SCIMP: variants seen among roughly 807,000 people sequenced by gnomAD.
SCIMP encodes the protein SLP adaptor and CSK interacting membrane protein.
SCIMP carries 18 observed loss-of-function variants against 22.0 expected under a neutral mutation model. The ratio of observed to expected loss-of-function variants is 0.82; its 90% CI spans 0.56 to 1.21. The LOEUF (loss-of-function observed/expected upper bound fraction) is 1.21, where lower values mean the gene tolerates loss of function less well. Ranked by LOEUF, SCIMP falls within the 50% of genes most tolerant of loss-of-function variation. SCIMP has a pLI of 0.00. For missense variants in SCIMP, 155 were observed against 171.2 expected (o/e 0.91, Z 0.53); for synonymous variants, 53 against 62.2 (o/e 0.85, Z 0.70).
rs1424151941 is a variant in SCIMP at position 5,215,242 on chromosome 17, A to G, written c.210-244T>C. 8 of 450,204 alleles carry G rather than the reference A, an allele frequency of 1.8e-5. 1 individual carries two copies. The East Asian group carries it at 3.0e-4, about 17-fold the overall frequency. The allele number at this position is 450,204 out of a possible 1,614,324, so 27.9% of individuals were successfully genotyped here. A position where few individuals can be genotyped will look rare whatever the true frequency, so the allele number is the denominator to read the frequency against. On this transcript the variant is annotated intron_variant, in intron 3 of 4. Coordinates refer to ENST00000574081, the MANE Select transcript of SCIMP (RefSeq NM_207103.3). The stretch of plus-strand genomic sequence containing the variant: ...GAGGGGAGGGAAATAAAGTGCTATA[A>G]TTCAGAGCATGGAGCACACCTTCCT...
intron 2 of SCIMP, among the ~76,000 whole-genome samples, chr17:5,222,281 C>G (rs773182988): frequency 6.6e-6 from 1 of 151,278 alleles, no homozygotes; most frequent in African/African-American, 2.4e-5. Context: ...TAAGTAGAAA[C>G]GGGGTTTCAC....
In SCIMP at chr17:5,233,622, T is replaced by C. The variant is rs531263576; in HGVS notation, c.21+1113A>G. On this transcript the variant is annotated intron_variant, in intron 1 of 4. Coordinates refer to ENST00000574081, the MANE Select transcript of SCIMP (RefSeq NM_207103.3). ...TCTTGACCTTGTGATCTGCCCACCT[T>C]GGCCTCCCAAAGTGCTGGGATTAGA... is the stretch of plus-strand genomic sequence containing the variant. Among the ~76,000 whole-genome samples, 5 of 152,016 alleles carry C rather than the reference T, an allele frequency of 3.3e-5. No individual in the cohort carries two copies. The East Asian group carries it at 5.8e-4, about 18-fold the overall frequency.
At chr17:5,234,409 G>A (rs1035006254) in intron 1 of SCIMP, among the ~76,000 whole-genome samples, 4 of 149,316 alleles carry the variant, frequency 2.7e-5, no homozygotes, top group Non-Finnish European at 4.4e-5. Flanking sequence ...AGAGTAACTC[G>A]TTACAGTTGA....
rs199663591 is a variant in SCIMP, at chr17:5,221,069, AAAG to A, written c.209+215_209+217del. 1,387 of 657,674 alleles carry A rather than the reference AAAG, an allele frequency of 2.1e-3. 15 individuals are homozygous for A. In the East Asian group the frequency reaches 0.031, roughly 15 times the overall value. 40.7% of individuals were successfully genotyped at this position (657,674 alleles called of 1,614,324 possible). On this transcript the variant is annotated intron_variant, in intron 3 of 4. Transcript: ENST00000574081. The stretch of plus-strand genomic sequence containing the variant: ...CAAGACTCCATCTCAAAAAAAAAAA[AAAG>A]AGAGAGAGAGATGAGAGGAGGGAGG...
intron 1 of SCIMP, among the ~76,000 whole-genome samples, chr17:5,230,485 T>C (rs985367679): frequency 6.6e-6 from 1 of 151,738 alleles, no homozygotes; most frequent in African/African-American, 2.4e-5. Flanking sequence ...GGAGGGAAGG[T>C]GATGAGAAGA....
Position 5,224,692 on chromosome 17 carries a change from T to A in SCIMP, c.22-1236A>T, listed in dbSNP as rs548932073. ...AGCTAGTCTCGAACTCCTGACCTTG[T>A]GATCTACCTGCCTCGGCCTCCCAAA... is the stretch of plus-strand genomic sequence containing the variant. On this transcript the variant is annotated intron_variant, in intron 1 of 4. Coordinates refer to ENST00000574081, the MANE Select transcript of SCIMP (RefSeq NM_207103.3). Among the ~76,000 whole-genome samples, 376 of 152,170 alleles carry A rather than the reference T, an allele frequency of 2.5e-3. 2 individuals carry two copies. The highest frequency in any genetic ancestry group is 8.6e-3 in the African/African-American group (359 of 41,508).
At chr17:5,223,658 T>C (rs1597290523) in intron 1 of SCIMP, 2 of 504,488 alleles carry the variant, frequency 4.0e-6, no homozygotes, top group African/African-American at 3.9e-5. Flanking sequence ...CAAGTGATTC[T>C]CCTGCCTCAG....
rs1555615393 is a variant in SCIMP, at chr17:5,232,378, A to AAACAGTGCAGTG, written c.21+2356_21+2357insCACTGCACTGTT. 2.5e-4 allele frequency among the ~76,000 whole-genome samples: 35 copies of AAACAGTGCAGTG among 138,564 alleles called. 1 individual carries two copies. The highest frequency in any genetic ancestry group is 6.1e-4 in the African/African-American group (22 of 35,934). The allele number at this position is 138,564 out of a possible 152,430, so 90.9% of individuals were successfully genotyped here. On this transcript the variant is annotated intron_variant, in intron 1 of 4. Coordinates refer to ENST00000574081, the MANE Select transcript of SCIMP (RefSeq NM_207103.3). The stretch of plus-strand genomic sequence containing the variant: ...AACAGTGCAGTGTAAACAGTGCAGT[A>AAACAGTGCAGTG]TAAACAGTGCAGTATAAACAGTATA...
Position 5,210,055 on chromosome 17 carries a change from A to G in SCIMP, c.*746T>C, listed in dbSNP as rs2074515633. 1 of 152,164 alleles carries G rather than the reference A, an allele frequency of 6.6e-6. No individual in the cohort carries two copies. Among genetic ancestry groups the G allele is most frequent in the Admixed American group, 6.5e-5 (1 of 15,270 alleles). 9.4% of individuals were successfully genotyped at this position (152,164 alleles called of 1,614,324 possible). A position where few individuals can be genotyped will look rare whatever the true frequency, so the allele number is the denominator to read the frequency against. The stretch of plus-strand genomic sequence containing the variant: ...GCACCCCCAACACACCTATTGCAAA[A>G]TGATGCTTCTAGGTGTAAATCAGAA... On this transcript the variant is annotated 3_prime_UTR_variant, in exon 5 of 5. Coordinates refer to ENST00000574081, the MANE Select transcript of SCIMP (RefSeq NM_207103.3).
intron 3 of SCIMP, among the ~76,000 whole-genome samples, chr17:5,217,658 C>T (rs555400032): frequency 3.4e-5 from 5 of 145,598 alleles, no homozygotes; most frequent in South Asian, 2.2e-4. Context: ...TGAGAACATG[C>T]GGTGTTTGTT....
intron 3 of SCIMP, among the ~76,000 whole-genome samples, chr17:5,219,563 G>A (rs2074590584): frequency 6.6e-6 from 1 of 151,786 alleles, no homozygotes; most frequent in Non-Finnish European, 1.5e-5. Flanking sequence ...GGGAGGCAGA[G>A]GTTGCAGGGA....
intron 1 of SCIMP, 112 bp downstream of exon 1, chr17:5,234,623 C>A: frequency 8.8e-7 from 1 of 1,141,538 alleles, no homozygotes; most frequent in East Asian, 2.5e-5. Flanking sequence ...GCTGCAATCC[C>A]CTGGCCCAGT....
intron 4 of SCIMP, chr17:5,213,153 CTTTCTG>C: frequency 4.1e-6 from 4 of 984,960 alleles, no homozygotes; most frequent in Non-Finnish European, 4.8e-6. Flanking sequence ...CCCCATGTTT[CTTTCTG>C]TTTATGTTCC....
intron 4 of SCIMP, 39 bp from the exon 5 acceptor site, chr17:5,210,994 A>G: frequency 6.4e-7 from 1 of 1,572,212 alleles, no homozygotes; most frequent in South Asian, 1.2e-5. Flanking sequence ...CAAAGCTGTC[A>G]TGTGTTTTTA....
chr17:5,231,597 G>A (rs562811303), intron 1 of SCIMP, among the ~76,000 whole-genome samples: 2 of 152,078 alleles, frequency 1.3e-5, no homozygotes, highest in African/African-American at 4.8e-5. Flanking sequence ...ACAGATTGCC[G>A]ATGTCCTACT....
In SCIMP at chr17:5,209,386, G is replaced by A. The variant is rs1325441868; in HGVS notation, c.*1415C>T. On this transcript the variant is annotated 3_prime_UTR_variant, in exon 5 of 5. Coordinates refer to ENST00000574081, the MANE Select transcript of SCIMP (RefSeq NM_207103.3). ...CGACCTCAGGTGATCCGCCCACCTT[G>A]GCCTCCCAAGGAGGTATTAATAGCA... The A allele has an allele frequency of 6.6e-6, 1 of 152,166 alleles. No homozygotes were observed. The highest frequency in any genetic ancestry group is 2.4e-5 in the African/African-American group (1 of 41,418). 9.4% of individuals were successfully genotyped at this position (152,166 alleles called of 1,614,324 possible).
In SCIMP at chr17:5,221,360, G is replaced by A. The variant is rs761381411; in HGVS notation, c.146-10C>T. 2 of 1,607,612 alleles carry A rather than the reference G, an allele frequency of 1.2e-6. No homozygotes were observed. Among genetic ancestry groups the A allele is most frequent in the South Asian group, 1.1e-5 (1 of 90,942 alleles). The stretch of plus-strand genomic sequence containing the variant: ...ATTTCCCATTTCTTGCCTAAGAGGG[G>A]AAAAGCATGTTCATTGAAGAAGAAT... On this transcript the variant is annotated splice_polypyrimidine_tract_variant and intron_variant, in intron 2 of 4. Coordinates refer to ENST00000574081, the MANE Select transcript of SCIMP (RefSeq NM_207103.3).
At chr17:5,229,912 C>A (rs1046370910) in intron 1 of SCIMP, among the ~76,000 whole-genome samples, 2 of 149,994 alleles carry the variant, frequency 1.3e-5, no homozygotes, top group African/African-American at 4.9e-5. Context: ...CCGGTCCTCT[C>A]CTCTCTCCTT....
intron 1 of SCIMP, among the ~76,000 whole-genome samples, chr17:5,225,805 A>G (rs1196316257): frequency 2.0e-5 from 3 of 151,160 alleles, no homozygotes; most frequent in Non-Finnish European, 4.4e-5. Flanking sequence ...GAGTTGTGAG[A>G]ACCCCAACTT....
Sources: gnomAD v4.1 joint callset for allele counts (sites outside exome capture counted in the v4.1 genomes callset) on GRCh38, gnomAD v4.1.1 for gene constraint, MANE v1.5 for transcripts, NCBI Gene and HGNC (gene_info 2026-07-23, HGNC 2026-07-21) for gene names.